B4GALNT3: variants seen among roughly 807,000 people sequenced by gnomAD.
B4GALNT3 encodes the protein beta-1,4-N-acetyl-galactosaminyltransferase 3.
B4GALNT3 carries 86 observed loss-of-function variants against 120.2 expected under a neutral mutation model. The ratio of observed to expected loss-of-function variants is 0.72; its 90% CI spans 0.60 to 0.86. B4GALNT3 has a LOEUF of 0.86. Ranked by LOEUF, B4GALNT3 falls within the 40% of genes least tolerant of loss-of-function variation. The pLI, the probability that B4GALNT3 is intolerant of heterozygous loss-of-function variation, is 0.00. For synonymous variants in B4GALNT3, 518 were observed against 510.4 expected, an observed-to-expected ratio of 1.01 and a Z score of -0.20; for missense variants, 1,167 against 1,298.9, an observed-to-expected ratio of 0.90 and a Z score of 1.56.
Position 553,691 on chromosome 12 carries a change from G to A in B4GALNT3, c.1768G>A (p.Glu590Lys), listed in dbSNP as rs771641178. Residue 590 changes from glutamate (E) to lysine (K), a missense_variant, in exon 14 of 20, where the codon GAG becomes AAG. Around this residue, in one of 3 missense-constraint regions of B4GALNT3, gnomAD observed 983 missense variants for 1,102.5 expected, o/e 0.89. Coordinates refer to ENST00000266383, the MANE Select transcript of B4GALNT3 (RefSeq NM_173593.4). ...GGCCCCTGGAAGGGGCTGGCATGGG[G>A]AGGAGGAAGTGGTGGCGGCCGCAGG... ...PQAPGRGWHG[E>K]EEVVAAAGQE... 3.7e-6 allele frequency: 6 copies of A among 1,613,734 alleles called. No homozygotes were observed. The highest frequency in any genetic ancestry group is 1.3e-5 in the African/African-American group (1 of 74,940).
intron 3 of B4GALNT3, among the ~76,000 whole-genome samples, chr12:543,412 A>G (rs1946944784): frequency 2.8e-5 from 4 of 143,250 alleles, no homozygotes; most frequent in Middle Eastern, 3.8e-3. Flanking sequence ...TGGGGCGGGC[A>G]TGGGGTGCTC....
intron 7 of B4GALNT3, 120 bp downstream of exon 7, chr12:546,833 G>C: frequency 1.0e-6 from 1 of 988,992 alleles, no homozygotes; most frequent in African/African-American, 1.6e-5. Flanking sequence ...GCACCCACAC[G>C]CTCCCGGCAA....
intron 1 of B4GALNT3, among the ~76,000 whole-genome samples, chr12:503,861 C>T (rs11063311): frequency 0.71 from 108,056 of 152,088 alleles, 39,084 homozygotes; most frequent in African/African-American, 0.84. Flanking sequence ...ACGCCTGTAA[C>T]CCCAGCATTT....
intron 1 of B4GALNT3, among the ~76,000 whole-genome samples, chr12:490,977 A>G (rs1254063902): frequency 6.6e-6 from 1 of 152,138 alleles, no homozygotes; most frequent in African/African-American, 2.4e-5. Context: ...CCATTTCTCT[A>G]CAATCTCTTC....
At chr12:558,700 T>G in intron 18 of B4GALNT3, 39 bp downstream of exon 18, 1 of 1,604,332 alleles carries the variant, frequency 6.2e-7, no homozygotes, top group East Asian at 2.2e-5. Context: ...GAAAGACTTC[T>G]CTGATCTTGG....
chr12:516,227 G>A (rs1439672841), intron 1 of B4GALNT3, among the ~76,000 whole-genome samples: 1 of 152,032 alleles, frequency 6.6e-6, no homozygotes, highest in African/African-American at 2.4e-5. Context: ...TTATACACAT[G>A]CACACATAAT....
At chr12:557,814 C>G in intron 16 of B4GALNT3, 53 bp downstream of exon 16, 1 of 1,559,206 alleles carries the variant, frequency 6.4e-7, no homozygotes. Context: ...ATCCTAAAGT[C>G]CTAGGGCTGC....
chr12:555,718 C>A (rs1947143524), intron 14 of B4GALNT3, among the ~76,000 whole-genome samples: 1 of 152,160 alleles, frequency 6.6e-6, no homozygotes, highest in African/African-American at 2.4e-5. Flanking sequence ...ATGAAGATTC[C>A]AATTTTTCTA....
chr12:520,303 G>A (rs1946694925), intron 1 of B4GALNT3, among the ~76,000 whole-genome samples: 1 of 152,206 alleles, frequency 6.6e-6, no homozygotes. Flanking sequence ...TAGCAAATGT[G>A]TGAGGCTGAG....
At chr12:480,119 G>A (rs916109179) in intron 1 of B4GALNT3, among the ~76,000 whole-genome samples, 30 of 151,654 alleles carry the variant, frequency 2.0e-4, no homozygotes, top group African/African-American at 4.8e-4. Context: ...GTTTCACTGC[G>A]TTAGCCAGGA....
intron 1 of B4GALNT3, among the ~76,000 whole-genome samples, chr12:532,320 C>A (rs891253594): frequency 6.6e-6 from 1 of 152,238 alleles, no homozygotes; most frequent in African/African-American, 2.4e-5. Context: ...AATCCACTCA[C>A]CTCCCTAAAT....
intron 1 of B4GALNT3, among the ~76,000 whole-genome samples, chr12:521,506 A>G (rs1038524947): frequency 1.3e-5 from 2 of 152,110 alleles, no homozygotes; most frequent in African/African-American, 4.8e-5. Flanking sequence ...CTTGGCCTGA[A>G]TTAGGAAGGA....
At chr12:559,261 G>A (rs763994569) in intron 18 of B4GALNT3, 34 bp from the exon 19 acceptor site, 10 of 1,613,118 alleles carry the variant, frequency 6.2e-6, no homozygotes, top group Non-Finnish European at 8.5e-6. Context: ...CTGGCCTCTG[G>A]CTCATCTCAC....
At position 556,862 on chromosome 12, in the gene B4GALNT3, G is replaced by A. The variant is rs1183298366; in HGVS notation, c.2376G>A (p.Val792=). ...WSHRAVVHFV[V]PVKNQARWVQ... ...ACCGAGCCGTGGTCCACTTCGTCGT[G>A]CCTGGTGAGCCTCAAGCTGAGCCTC... The change falls in exon 15 of 20, where the codon GTG becomes GTA. Residue 792 remains valine (V), a synonymous_variant. Transcript: ENST00000266383. 1.2e-6 allele frequency: 2 copies of A among 1,600,946 alleles called. No individual in the cohort carries two copies. The highest frequency in any genetic ancestry group is 8.5e-7 in the Non-Finnish European group (1 of 1,170,420).
chr12:478,649 G>T (rs1946207492), intron 1 of B4GALNT3, among the ~76,000 whole-genome samples: 5 of 152,210 alleles, frequency 3.3e-5, no homozygotes. Flanking sequence ...AAATCCTTAA[G>T]AAAGGGTTTT....
At chr12:530,926 A>T (rs1272750926) in intron 1 of B4GALNT3, among the ~76,000 whole-genome samples, 1 of 152,108 alleles carries the variant, frequency 6.6e-6, no homozygotes, top group Non-Finnish European at 1.5e-5. Flanking sequence ...TTTATCTGTC[A>T]CCTGAGATTG....
chr12:487,805 A>T (rs551961224), intron 1 of B4GALNT3, among the ~76,000 whole-genome samples: 6 of 151,880 alleles, frequency 4.0e-5, no homozygotes, highest in Admixed American at 6.6e-5. Context: ...AAAAAATTTT[A>T]AAATTAGCCA....
intron 3 of B4GALNT3, among the ~76,000 whole-genome samples, chr12:537,364 A>G (rs12810266): frequency 0.26 from 39,149 of 152,060 alleles, 5,637 homozygotes; most frequent in African/African-American, 0.38. Context: ...AGTTCACTGT[A>G]TCTTTAACTT....
chr12:559,826 T>C (rs1345914329), intron 19 of B4GALNT3, among the ~76,000 whole-genome samples: 1 of 151,904 alleles, frequency 6.6e-6, no homozygotes, highest in Non-Finnish European at 1.5e-5. Context: ...AATGGATAAG[T>C]AGACCTGGCA....
Sources: gnomAD v4.1 joint callset for allele counts (sites outside exome capture counted in the v4.1 genomes callset) on GRCh38, gnomAD v4.1.1 for gene constraint, gnomAD v4.1.1 regional missense constraint, MANE v1.5 for transcripts, NCBI Gene and HGNC (gene_info 2026-07-23, HGNC 2026-07-21) for gene names.